The following ABR variants were observed in gnomAD, a reference collection of about 807,000 sequenced individuals.
ABR encodes active breakpoint cluster region-related protein.
In ABR, 35 loss-of-function variants were observed where a neutral mutation model predicts 107.2. The observed-to-expected ratio is 0.33, with a 90% CI of 0.25 to 0.43. ABR has a LOEUF of 0.43. Among genes scored for constraint, ABR ranks in the 20% least tolerant of loss-of-function variants. The pLI, the probability that ABR is intolerant of heterozygous loss-of-function variation, is 1.00. For synonymous variants in ABR, 498 were observed against 462.0 expected (o/e 1.08, Z -1.00); for missense variants, 815 against 1,115.2 (o/e 0.73, Z 3.83).
chr17:1,146,120 G>A (rs547135594), intron 1 of ABR, among the ~76,000 whole-genome samples: 1 of 152,286 alleles, frequency 6.6e-6, no homozygotes, highest in African/African-American at 2.4e-5. Context: ...AAGAGGACGT[G>A]CCCAGGTTAG....
At chr17:1,206,443 T>A (rs2150731333) in intron 1 of ABR, among the ~76,000 whole-genome samples, 1 of 152,280 alleles carries the variant, frequency 6.6e-6, no homozygotes, top group East Asian at 1.9e-4. Context: ...CAGGCTGGAG[T>A]GCAGTGGCAC....
At chr17:1,140,875 G>A (rs772584771) in intron 1 of ABR, among the ~76,000 whole-genome samples, 1 of 151,832 alleles carries the variant, frequency 6.6e-6, no homozygotes, top group Non-Finnish European at 1.5e-5. Context: ...GAGCCACCGC[G>A]CCCGGCCAGT....
In ABR at chr17:1,148,702, A is replaced by C. The variant is rs1447325137; in HGVS notation, c.62-23335T>G. Among the ~76,000 whole-genome samples, 1 of 152,194 alleles carries C rather than the reference A, an allele frequency of 6.6e-6. No individual in the cohort carries two copies. Among genetic ancestry groups the C allele is most frequent in the Non-Finnish European group, 1.5e-5 (1 of 68,022 alleles). ...TCCCCACCCTTCCCCGGTCCGTGGA[A>C]AAAGTGTCTTCCACGAAGCCGGTCC... On this transcript the variant is annotated intron_variant, in intron 1 of 22. Transcript: ENST00000302538. This position sits in a 1 kb window ranked among gnomAD's most constrained non-coding sequence, Gnocchi z 4.9.
chr17:1,136,162 CT>C (rs1049411840), intron 1 of ABR, among the ~76,000 whole-genome samples: 22 of 152,276 alleles, frequency 1.4e-4, no homozygotes, highest in African/African-American at 4.8e-4. Context: ...CTACATATGT[CT>C]TCTTCCAATA....
intron 1 of ABR, among the ~76,000 whole-genome samples, chr17:1,160,235 C>A (rs1446877351): frequency 6.6e-6 from 1 of 151,580 alleles, no homozygotes; most frequent in East Asian, 1.9e-4. Flanking sequence ...GCCTAGGCGA[C>A]AGAGCAAGAC....
intron 1 of ABR, among the ~76,000 whole-genome samples, chr17:1,173,611 C>T (rs1042589466): frequency 7.2e-5 from 11 of 152,044 alleles, no homozygotes; most frequent in African/African-American, 2.4e-5. Flanking sequence ...TCCACACAGC[C>T]GGAAACGCAT....
chr17:1,109,021 C>T, intron 2 of ABR: 1 of 1,597,416 alleles, frequency 6.3e-7, no homozygotes, highest in South Asian at 1.1e-5. Context: ...CATCTTCGTC[C>T]TCCAGAACCT....
Position 1,005,502 on chromosome 17 carries a change from T to C in ABR, c.*578A>G. ...CAAACGGCAGCATCAAACAGACCACTGCTGCCGCGGCAACCCAGGGCCTCT... is the reference window on the plus strand; with the variant it reads ...CAAACGGCAGCATCAAACAGACCACCGCTGCCGCGGCAACCCAGGGCCTCT... On this transcript the variant is annotated 3_prime_UTR_variant, in exon 23 of 23. Coordinates refer to ENST00000302538, the MANE Select transcript of ABR (RefSeq NM_021962.5). The C allele has an allele frequency of 4.4e-6, 1 of 227,692 alleles. No homozygotes were observed. Among genetic ancestry groups the C allele is most frequent in the African/African-American group, 2.2e-5 (1 of 44,496 alleles). 14.1% of individuals were successfully genotyped at this position (227,692 alleles called of 1,614,324 possible).
intron 11 of ABR, 23 bp downstream of exon 11, chr17:1,058,722 G>A (rs2054075468): frequency 6.2e-7 from 1 of 1,613,000 alleles, no homozygotes; most frequent in South Asian, 1.1e-5. Context: ...GGCTGTCTTG[G>A]TCCCACCCCC....
At chr17:1,161,807 G>A (rs557740330) in intron 1 of ABR, among the ~76,000 whole-genome samples, 4 of 150,694 alleles carry the variant, frequency 2.7e-5, no homozygotes, top group Admixed American at 1.3e-4. Context: ...CACCCGCCTC[G>A]ACCTCCCACA....
intron 16 of ABR, among the ~76,000 whole-genome samples, chr17:1,040,414 C>A (rs1303796479): frequency 6.6e-6 from 1 of 152,238 alleles, no homozygotes; most frequent in African/African-American, 2.4e-5. Context: ...CCACACCAGG[C>A]CAAGCTCAGA....
chr17:1,070,141 G>C lies in ABR; in HGVS notation c.895-51C>G, dbSNP rs2035108814. 6.2e-7 allele frequency: 1 copy of C among 1,607,956 alleles called. No homozygotes were observed. The highest frequency in any genetic ancestry group is 8.5e-7 in the Non-Finnish European group (1 of 1,177,184). On this transcript the variant is annotated intron_variant, in intron 8 of 22. Coordinates refer to ENST00000302538, the MANE Select transcript of ABR (RefSeq NM_021962.5). The surrounding 1 kb of genome is among the most constrained non-coding windows in gnomAD (Gnocchi z 4.2). ...CCTGCTCAGAGGGGAATGCGGCCGA[G>C]GGCAGAGCCTGCACACGGGGGCACG...
intron 1 of ABR, among the ~76,000 whole-genome samples, chr17:1,153,576 G>A (rs7501810): frequency 3.1e-4 from 29 of 94,960 alleles, no homozygotes; most frequent in East Asian, 1.9e-3. Flanking sequence ...AGGCACACCT[G>A]CGGGAGGGCT....
In ABR at chr17:1,108,353, C is replaced by T. The variant is rs1307648556; in HGVS notation, c.247-7618G>A. On this transcript the variant is annotated intron_variant, in intron 2 of 22. Coordinates refer to ENST00000302538, the MANE Select transcript of ABR (RefSeq NM_021962.5). ...GGACGGGTCACTGCTGCAGAGAACG[C>T]CGTCAGCCCCAGAGCGGGTGGGCCA... Among the ~76,000 whole-genome samples the T allele has an allele frequency of 1.2e-3, 189 of 152,184 alleles. 4 individuals carry two copies. The highest frequency in any genetic ancestry group is 0.012 in the Admixed American group (185 of 15,284).
At chr17:1,035,095 G>C in intron 16 of ABR, among the ~76,000 whole-genome samples, 1 of 151,830 alleles carries the variant, frequency 6.6e-6, no homozygotes, top group Non-Finnish European at 1.5e-5. Context: ...GCTTCCTCTG[G>C]GGACAGCGCA....
intron 1 of ABR, among the ~76,000 whole-genome samples, chr17:1,144,922 G>A (rs1354509450): frequency 6.6e-6 from 1 of 152,108 alleles, no homozygotes; most frequent in Non-Finnish European, 1.5e-5. Flanking sequence ...GGGAGGCTGT[G>A]GCAGGAGAAT....
chr17:1,079,328 A>G lies in ABR; in HGVS notation c.700+2T>C. 6.2e-7 allele frequency: 1 copy of G among 1,613,292 alleles called. No individual in the cohort carries two copies. The highest frequency in any genetic ancestry group is 8.5e-7 in the Non-Finnish European group (1 of 1,179,590). On this transcript the variant is annotated splice_donor_variant, in intron 6 of 22. Transcript: ENST00000302538. LOFTEE classifies it high-confidence loss of function. ...TGTAATCCAGCCCGCTCCCCGAGGT[A>G]CCTTCCATGGTGACAGACGTGTGGC...
intron 1 of ABR, among the ~76,000 whole-genome samples, chr17:1,206,822 T>C (rs1049506945): frequency 2.6e-5 from 4 of 152,096 alleles, no homozygotes; most frequent in Non-Finnish European, 4.4e-5. Flanking sequence ...CGGTGGCTCA[T>C]GCTTGTCATC....
chr17:1,073,312 C>A (rs2035407389), intron 7 of ABR, among the ~76,000 whole-genome samples: 1 of 152,062 alleles, frequency 6.6e-6, no homozygotes, highest in African/African-American at 2.4e-5. Flanking sequence ...TCCCCCCGAG[C>A]AGCTGGGAGA....
Sources: gnomAD v4.1 joint callset for allele counts (sites outside exome capture counted in the v4.1 genomes callset) on GRCh38, gnomAD v4.1.1 for gene constraint, Gnocchi (gnomAD v3.1) non-coding constraint, MANE v1.5 for transcripts, NCBI Gene and HGNC (gene_info 2026-07-23, HGNC 2026-07-21) for gene names.